TENM2: variants seen among roughly 807,000 people sequenced by gnomAD.
TENM2 encodes the protein teneurin-2.
Under a neutral mutation model 245.2 loss-of-function variants are expected in TENM2, and 52 were observed. That is an observed-to-expected ratio of 0.21 (90% confidence interval 0.17 to 0.27). TENM2 has a LOEUF of 0.27. Among genes scored for constraint, TENM2 ranks in the 10% least tolerant of loss-of-function variants. The probability of loss-of-function intolerance (pLI) is 1.00; values close to 1 mark genes in which losing one functional copy is unlikely to be tolerated. For missense variants in TENM2, 3,046 were observed against 3,666.8 expected (o/e 0.83, Z 4.37); for synonymous variants, 1,363 against 1,438.9 (o/e 0.95, Z 1.19).
chr5:168,053,487 TG>T (rs1426933285), intron 6 of TENM2, among the ~76,000 whole-genome samples: 1 of 152,208 alleles, frequency 6.6e-6, no homozygotes, highest in Non-Finnish European at 1.5e-5. Context: ...GGTATACCTC[TG>T]ATATGTTGGC....
At chr5:168,060,824 G>A (rs1789973842) in intron 6 of TENM2, among the ~76,000 whole-genome samples, 1 of 152,166 alleles carries the variant, frequency 6.6e-6, no homozygotes, top group Admixed American at 6.6e-5. Context: ...TAGAGAAACT[G>A]GGACCAAGAG....
the TENM2 span, among the ~76,000 whole-genome samples, chr5:166,992,778 A>G: frequency 1.3e-5 from 2 of 152,118 alleles, no homozygotes; most frequent in Admixed American, 6.5e-5. Flanking sequence ...TGAAGATAGA[A>G]AGGGAGAGCC....
intron 2 of TENM2, among the ~76,000 whole-genome samples, chr5:167,799,561 G>A (rs1007125497): frequency 6.6e-6 from 1 of 152,162 alleles, no homozygotes; most frequent in Non-Finnish European, 1.5e-5. Flanking sequence ...AATGAAAACT[G>A]TAAGAAATAC....
chr5:167,361,552 G>T (rs1401795583), intron 1 of TENM2, among the ~76,000 whole-genome samples: 1 of 152,180 alleles, frequency 6.6e-6, no homozygotes, highest in Non-Finnish European at 1.5e-5. Flanking sequence ...TTGCCACTGT[G>T]TGGCAAATGA....
At chr5:167,419,129 G>GTAGATAGATAGATAGATAGA (rs55794859) in intron 2 of TENM2, among the ~76,000 whole-genome samples, 12,457 of 150,296 alleles carry the variant, frequency 0.083, 586 homozygotes, top group Non-Finnish European at 0.11. Flanking sequence ...AGATGTGTAT[G>GTAGATAGATAGATAGATAGA]TAGATAGATA....
chr5:167,665,164 T>C (rs1285573423), intron 2 of TENM2, among the ~76,000 whole-genome samples: 1 of 152,180 alleles, frequency 6.6e-6, no homozygotes, highest in Non-Finnish European at 1.5e-5. Flanking sequence ...TGAATCTCTG[T>C]TTCTTCTCCT....
intron 7 of TENM2, among the ~76,000 whole-genome samples, chr5:168,078,823 A>G (rs369553024): frequency 6.6e-6 from 1 of 151,942 alleles, no homozygotes; most frequent in Non-Finnish European, 1.5e-5. Context: ...TGCTGTTTTG[A>G]TTACTGTAGC....
At chr5:167,627,144 C>T (rs1778561534) in intron 2 of TENM2, among the ~76,000 whole-genome samples, 1 of 152,114 alleles carries the variant, frequency 6.6e-6, no homozygotes, top group Admixed American at 6.5e-5. Flanking sequence ...TGTTAAAACC[C>T]ATCCATTTTC....
At chr5:168,105,255 C>A (rs1794149539) in intron 9 of TENM2, among the ~76,000 whole-genome samples, 1 of 152,156 alleles carries the variant, frequency 6.6e-6, no homozygotes, top group Non-Finnish European at 1.5e-5. Flanking sequence ...AGCACACATG[C>A]AGAGGGCTGT....
the TENM2 span, among the ~76,000 whole-genome samples, chr5:167,122,376 G>T: frequency 6.6e-6 from 1 of 152,022 alleles, no homozygotes; most frequent in Admixed American, 6.6e-5. Flanking sequence ...GTTGCAGGCT[G>T]CCCCATTTGA....
the TENM2 span, among the ~76,000 whole-genome samples, chr5:167,068,444 T>C: frequency 1.3e-5 from 2 of 152,214 alleles, no homozygotes; most frequent in African/African-American, 2.4e-5. Flanking sequence ...AGAGGAAAGC[T>C]GGTGAAATTA....
intron 2 of TENM2, among the ~76,000 whole-genome samples, chr5:167,870,617 ATG>A (rs1164447910): frequency 4.6e-4 from 68 of 147,060 alleles, no homozygotes; most frequent in African/African-American, 1.6e-3. Flanking sequence ...ATGTATATAT[ATG>A]TATATATATA....
the TENM2 span, among the ~76,000 whole-genome samples, chr5:167,228,287 C>A: frequency 3.3e-5 from 5 of 151,982 alleles, no homozygotes; most frequent in African/African-American, 1.2e-4. Flanking sequence ...ATTTCAGCTT[C>A]CCAAAGTGCT....
rs573107161 is a variant in TENM2 at position 168,004,567 on chromosome 5, C to T, written c.1186+11385C>T. Reference sequence around the variant, plus strand: ...CACACACACACACACACCACTATCCCCGCTGACCCTGCTTCAAAAATGCCA... The same window carrying T: ...CACACACACACACACACCACTATCCTCGCTGACCCTGCTTCAAAAATGCCA... On this transcript the variant is annotated intron_variant, in intron 5 of 28. Transcript: ENST00000518659. 4.0e-5 allele frequency among the ~76,000 whole-genome samples: 6 copies of T among 151,570 alleles called. No homozygotes were observed. In the East Asian group the frequency reaches 1.2e-3, roughly 30 times the overall value.
At chr5:167,949,696 T>C (rs1779926897) in intron 3 of TENM2, among the ~76,000 whole-genome samples, 1 of 152,182 alleles carries the variant, frequency 6.6e-6, no homozygotes, top group Non-Finnish European at 1.5e-5. Context: ...AACTAGAAAG[T>C]GGCAGACTCA....
At chr5:167,138,463 A>C in the TENM2 span, among the ~76,000 whole-genome samples, 1 of 152,202 alleles carries the variant, frequency 6.6e-6, no homozygotes, top group Non-Finnish European at 1.5e-5. Flanking sequence ...AAGAGCTTTG[A>C]AATAGTAGTA....
chr5:167,423,894 C>T (rs562719273), intron 2 of TENM2, among the ~76,000 whole-genome samples: 45 of 152,280 alleles, frequency 3.0e-4, no homozygotes, highest in African/African-American at 1.1e-3. Context: ...GACCATCGAC[C>T]ATGGCGAAGC....
chr5:167,124,533 A>C, the TENM2 span, among the ~76,000 whole-genome samples: 3 of 152,298 alleles, frequency 2.0e-5, no homozygotes, highest in East Asian at 5.8e-4. Flanking sequence ...TGTGGCTTAT[A>C]AAGATCTTAT....
rs957237366 is a variant in TENM2, at chr5:168,238,294, GAAAAGAAAAA to G, written c.5521-6124_5521-6115del. On this transcript the variant is annotated intron_variant, in intron 25 of 28. Coordinates refer to ENST00000518659, the Ensembl canonical transcript of TENM2. ...GAAAAGAAAAGAAAAGAAAAGAAAA[GAAAAGAAAAA>G]ATCCCAGAAGACTGACCCGGAAAGA... Among the ~76,000 whole-genome samples the G allele has an allele frequency of 3.5e-4, 51 of 144,174 alleles. 1 individual carries two copies. The highest frequency in any genetic ancestry group is 1.1e-3 in the African/African-American group (44 of 38,474). 94.6% of individuals were successfully genotyped at this position (144,174 alleles called of 152,430 possible). A position where few individuals can be genotyped will look rare whatever the true frequency, so the allele number is the denominator to read the frequency against.
Sources: gnomAD v4.1 joint callset for allele counts (sites outside exome capture counted in the v4.1 genomes callset) on GRCh38, gnomAD v4.1.1 for gene constraint, MANE v1.5 for transcripts, NCBI Gene and HGNC (gene_info 2026-07-23, HGNC 2026-07-21) for gene names.